APC: variants seen among roughly 807,000 people sequenced by gnomAD.
APC encodes the protein adenomatous polyposis coli protein.
In APC, 72 loss-of-function variants were observed where a neutral mutation model predicts 247.0. The observed-to-expected ratio is 0.29, with a 90% CI of 0.24 to 0.35. The LOEUF (loss-of-function observed/expected upper bound fraction) is 0.35, where lower values mean the gene tolerates loss of function less well. Among genes scored for constraint, APC ranks in the 10% least tolerant of loss-of-function variants. The probability of loss-of-function intolerance (pLI) is 1.00; values close to 1 mark genes in which losing one functional copy is unlikely to be tolerated. For synonymous variants in APC, 1,254 were observed against 1,162.5 expected, an observed-to-expected ratio of 1.08 and a Z score of -1.60; for missense variants, 3,400 against 3,360.7, an observed-to-expected ratio of 1.01 and a Z score of -0.29.
chr5:112,727,148 C>T (rs986031939), intron 1 of APC, among the ~76,000 whole-genome samples: 2 of 151,574 alleles, frequency 1.3e-5, no homozygotes, highest in Non-Finnish European at 2.9e-5. Flanking sequence ...AAGAGGTTTC[C>T]AATTTGATTG....
intron 6 of APC, among the ~76,000 whole-genome samples, chr5:112,781,936 G>A (rs1758397044): frequency 1.3e-5 from 2 of 152,050 alleles, no homozygotes; most frequent in Non-Finnish European, 2.9e-5. Flanking sequence ...GTTTCGCCAT[G>A]TTTGCCAGGC....
intron 8 of APC, among the ~76,000 whole-genome samples, chr5:112,814,171 T>G (rs756824437): frequency 1.3e-5 from 2 of 152,246 alleles, no homozygotes; most frequent in African/African-American, 2.4e-5. Flanking sequence ...TGCAAAAGAA[T>G]GCCTGCAAAT....
At chr5:112,826,274 A>G (rs568272060) in intron 11 of APC, among the ~76,000 whole-genome samples, 1 of 152,278 alleles carries the variant, frequency 6.6e-6, no homozygotes, top group African/African-American at 2.4e-5. Flanking sequence ...TATTTGATGA[A>G]TTATATTTTG....
intron 10 of APC, 26 bp from the exon 11 acceptor site, chr5:112,821,870 T>C (rs182446971): frequency 7.2e-6 from 11 of 1,534,680 alleles, no homozygotes; most frequent in Non-Finnish European, 2.7e-6. Flanking sequence ...CAAAGCATTA[T>C]GGTTTATGTT....
intron 4 of APC, among the ~76,000 whole-genome samples, chr5:112,775,250 C>G (rs959766187): frequency 6.6e-6 from 1 of 152,110 alleles, no homozygotes; most frequent in Non-Finnish European, 1.5e-5. Context: ...TTCTGGGCAT[C>G]ATTGCTGCTT....
Position 112,845,894 on chromosome 5 carries a change from G to A in APC, c.*1768G>A, listed in dbSNP as rs149405573. 2.2e-5 allele frequency: 5 copies of A among 232,184 alleles called. No individual in the cohort carries two copies. In the East Asian group the frequency reaches 3.1e-4, roughly 14 times the overall value. The allele number at this position is 232,184 out of a possible 1,614,324, so 14.4% of individuals were successfully genotyped here. A position where few individuals can be genotyped will look rare whatever the true frequency, so the allele number is the denominator to read the frequency against. On this transcript the variant is annotated 3_prime_UTR_variant, in exon 16 of 16. Coordinates refer to ENST00000257430, the MANE Select transcript of APC (RefSeq NM_000038.6). ...ATTTGGGGAGGGAAAACCTTTTTAAGCATGGTGGGGCACTCAGATAGGAGT... is the reference window on the plus strand; with the variant it reads ...ATTTGGGGAGGGAAAACCTTTTTAAACATGGTGGGGCACTCAGATAGGAGT...
At chr5:112,779,607 A>G (rs1267316573) in intron 5 of APC, among the ~76,000 whole-genome samples, 1 of 152,218 alleles carries the variant, frequency 6.6e-6, no homozygotes, top group East Asian at 1.9e-4. Flanking sequence ...CTACTTATCA[A>G]AACATTACTG....
rs149823473 is a variant in APC at position 112,727,703 on chromosome 5, T to G, written c.165+19821T>G. 3.1e-3 allele frequency among the ~76,000 whole-genome samples: 477 copies of G among 152,290 alleles called. 4 individuals carry two copies. The highest frequency in any genetic ancestry group is 0.011 in the African/African-American group (454 of 41,562). On this transcript the variant is annotated intron_variant, in intron 1 of 13. Transcript: ENST00000507379. ...AAAAGACTTTAAAAAAATCATCCTA[T>G]GTGCTACTCTTTCTTGAATCCACAT...
rs778287168 is a variant in APC, at chr5:112,837,945, C to G, written c.2351C>G (p.Ser784Cys). 6.2e-7 allele frequency: 1 copy of G among 1,614,068 alleles called. No homozygotes were observed. Among genetic ancestry groups the G allele is most frequent in the South Asian group, 1.1e-5 (1 of 91,078 alleles). ...DNIDNLSPKA[S>C]HRSKQRHKQS... Reference sequence around the variant, plus strand: ...ATAGACAATTTAAGTCCCAAGGCATCTCATCGTAGTAAGCAGAGACACAAG... The same window carrying G: ...ATAGACAATTTAAGTCCCAAGGCATGTCATCGTAGTAAGCAGAGACACAAG... Residue 784 changes from serine to cysteine, a missense_variant, in exon 16 of 16, where the codon TCT becomes TGT. Coordinates refer to ENST00000257430, the MANE Select transcript of APC (RefSeq NM_000038.6).
chr5:112,714,534 T>C (rs990855215), intron 1 of APC, among the ~76,000 whole-genome samples: 1 of 152,268 alleles, frequency 6.6e-6, no homozygotes, highest in African/African-American at 2.4e-5. Context: ...ATTTCTCTTA[T>C]TCATTCTGCT....
At chr5:112,811,019 C>T (rs1761929122) in intron 8 of APC, among the ~76,000 whole-genome samples, 1 of 113,290 alleles carries the variant, frequency 8.8e-6, no homozygotes, top group African/African-American at 3.0e-5. Flanking sequence ...AGCAAAACTC[C>T]ATCTCACACA....
At chr5:112,821,837 A>G in intron 10 of APC, 59 bp from the exon 11 acceptor site, 1 of 1,360,504 alleles carries the variant, frequency 7.4e-7, no homozygotes, top group Non-Finnish European at 1.0e-6. Flanking sequence ...AAAGTACAAT[A>G]AACATCATTG....
chr5:112,760,863 G>A (rs1449883327), intron 2 of APC, among the ~76,000 whole-genome samples: 1 of 151,378 alleles, frequency 6.6e-6, no homozygotes, highest in Non-Finnish European at 1.5e-5. Flanking sequence ...AGTCTGGAGT[G>A]CAGTGGCACA....
At chr5:112,818,629 CACTGAT>C (rs1399710213) in intron 9 of APC, among the ~76,000 whole-genome samples, 1 of 152,084 alleles carries the variant, frequency 6.6e-6, no homozygotes, top group Admixed American at 6.6e-5. Flanking sequence ...CGTTGTTTTT[CACTGAT>C]TATAGTCAGT....
At chr5:112,814,250 T>C (rs2149757260) in intron 8 of APC, among the ~76,000 whole-genome samples, 1 of 152,310 alleles carries the variant, frequency 6.6e-6, no homozygotes. Flanking sequence ...GGCCTATATT[T>C]TGATAGGTCC....
At position 112,840,272 on chromosome 5, in the gene APC, G is replaced by A. The variant is rs2149920946; in HGVS notation, c.4678G>A (p.Glu1560Lys). ...EKEAEKTIDSEKDLLDDSDDD... is the reference protein window; with the variant it reads ...EKEAEKTIDSKKDLLDDSDDD... ...AGAGGCAGAAAAAACTATTGATTCT[G>A]AAAAGGACCTATTAGATGATTCAGA... The change falls in exon 16 of 16, where the codon GAA becomes AAA. Residue 1560 changes from glutamate to lysine, a missense_variant. Around this residue, in one of 9 missense-constraint regions of APC, gnomAD observed 1,788 missense variants for 1,649.5 expected, o/e 1.08. Transcript: ENST00000257430. The surrounding 1 kb of genome is among the most constrained non-coding windows in gnomAD (Gnocchi z 4.1). 1 of 1,614,118 alleles carries A rather than the reference G, an allele frequency of 6.2e-7. No individual in the cohort carries two copies. Among genetic ancestry groups the A allele is most frequent in the Non-Finnish European group, 8.5e-7 (1 of 1,180,006 alleles).
intron 5 of APC, chr5:112,777,517 C>G (rs1757791534): frequency 6.4e-6 from 1 of 157,152 alleles, no homozygotes; most frequent in Non-Finnish European, 1.5e-5. Context: ...AAAGAAAATC[C>G]ACAGCAACTC....
At chr5:112,741,648 A>G (rs1753039779) in intron 1 of APC, among the ~76,000 whole-genome samples, 1 of 152,220 alleles carries the variant, frequency 6.6e-6, no homozygotes, top group South Asian at 2.1e-4. Flanking sequence ...CATCTTAAGC[A>G]CTTTTAATTG....
chr5:112,730,488 C>T (rs1283921940), intron 1 of APC, among the ~76,000 whole-genome samples: 1 of 152,154 alleles, frequency 6.6e-6, no homozygotes, highest in Non-Finnish European at 1.5e-5. Context: ...CCTCAATTTT[C>T]CATGCATGTG....
Sources: allele counts gnomAD v4.1 joint callset (sites outside exome capture counted in the v4.1 genomes callset), GRCh38; gene constraint gnomAD v4.1.1; regional missense constraint gnomAD v4.1.1; non-coding constraint Gnocchi (gnomAD v3.1); transcripts MANE v1.5; gene names NCBI Gene and HGNC (gene_info 2026-07-23, HGNC 2026-07-21).